The following OTUD4 variants were observed in gnomAD, a reference collection of about 807,000 sequenced individuals.
OTUD4 encodes OTU deubiquitinase 4.
Under a neutral mutation model 130.4 loss-of-function variants are expected in OTUD4, and 24 were observed. The observed-to-expected ratio is 0.18, with a 90% confidence interval of 0.13 to 0.26. The LOEUF (loss-of-function observed/expected upper bound fraction) is 0.26, where lower values mean the gene tolerates loss of function less well. Ranked by LOEUF, OTUD4 falls within the 10% of genes least tolerant of loss-of-function variation. The pLI is 1.00. For synonymous variants in OTUD4, 420 were observed against 472.5 expected, an observed-to-expected ratio of 0.89 and a Z score of 1.44; for missense variants, 1,031 against 1,329.4, an observed-to-expected ratio of 0.78 and a Z score of 3.49.
intron 6 of OTUD4, among the ~76,000 whole-genome samples, chr4:145,161,125 A>G (rs147948310): frequency 6.6e-6 from 1 of 152,046 alleles, no homozygotes; most frequent in Non-Finnish European, 1.5e-5. Context: ...AACAACAACA[A>G]CAACAACAAC....
chr4:145,144,178 G>T (rs1168455640), intron 15 of OTUD4, 133 bp downstream of exon 15: 2 of 1,110,130 alleles, frequency 1.8e-6, no homozygotes, highest in Non-Finnish European at 2.6e-6. Context: ...ATACTTCTCT[G>T]CAACATTCAA....
rs1038657859 is a variant in OTUD4, at chr4:145,134,393, C to T, written c.*3037G>A. ...ACCTCATCTAAAAATGAAGGTAAAA[C>T]GAAAGAGGCAAAAATAAATATTGCT... On this transcript the variant is annotated 3_prime_UTR_variant, in exon 21 of 21. Coordinates refer to ENST00000447906, the MANE Select transcript of OTUD4 (RefSeq NM_001366057.1). 3 of 264,666 alleles carry T rather than the reference C, an allele frequency of 1.1e-5. No individual in the cohort carries two copies. The highest frequency in any genetic ancestry group is 5.4e-5 in the Admixed American group (1 of 18,690). The allele number at this position is 264,666 out of a possible 1,614,324, so 16.4% of individuals were successfully genotyped here. A position where few individuals can be genotyped will look rare whatever the true frequency, so the allele number is the denominator to read the frequency against.
intron 5 of OTUD4, among the ~76,000 whole-genome samples, chr4:145,163,584 T>C (rs1026044145): frequency 5.3e-5 from 8 of 152,158 alleles, no homozygotes; most frequent in Non-Finnish European, 1.0e-4. Context: ...GTTCATCATA[T>C]GTATTAATGT....
rs560327765 is a variant in OTUD4 at position 145,133,780 on chromosome 4, T to C, written c.*3650A>G. ...CTTCTTAAGGCTACAAAACAGAACATAGAAAAATAAACAGGAATATATTCA... is the reference window on the plus strand; with the variant it reads ...CTTCTTAAGGCTACAAAACAGAACACAGAAAAATAAACAGGAATATATTCA... On this transcript the variant is annotated 3_prime_UTR_variant, in exon 21 of 21. Coordinates refer to ENST00000447906, the MANE Select transcript of OTUD4 (RefSeq NM_001366057.1). 9.2e-5 allele frequency: 14 copies of C among 152,632 alleles called. No homozygotes were observed. The East Asian group carries it at 9.6e-4, about 11-fold the overall frequency. 9.5% of individuals were successfully genotyped at this position (152,632 alleles called of 1,614,324 possible).
intron 13 of OTUD4, among the ~76,000 whole-genome samples, chr4:145,146,951 A>G (rs1750854583): frequency 6.6e-6 from 1 of 152,222 alleles, no homozygotes; most frequent in Non-Finnish European, 1.5e-5. Flanking sequence ...AAGCTGAAAA[A>G]GAAAAACTAA....
chr4:145,146,488 A>AAATAAATAAATAAAT (rs1750833187), intron 13 of OTUD4, 59 bp from the exon 14 acceptor site: 1 of 1,036,200 alleles, frequency 9.7e-7, no homozygotes, highest in African/African-American at 1.7e-5. Flanking sequence ...ATAAATAAAT[A>AAATAAATAAATAAAT]AAACATTCTT....
rs1350860578 is a variant in OTUD4 at position 145,150,787 on chromosome 4, T to C, written c.1072+15A>G. 10 of 1,608,648 alleles carry C rather than the reference T, an allele frequency of 6.2e-6. No individual in the cohort carries two copies. Among genetic ancestry groups the C allele is most frequent in the African/African-American group, 1.3e-5 (1 of 74,820 alleles). The stretch of plus-strand genomic sequence containing the variant: ...ATCCCAATCCCAAAGGAATGATAGC[T>C]TGATGTGCTCCTACCAGAATGGAAA... On this transcript the variant is annotated intron_variant, in intron 12 of 20. Coordinates refer to ENST00000447906, the MANE Select transcript of OTUD4 (RefSeq NM_001366057.1).
At chr4:145,146,044 ACTTGCCTCAAC>A in intron 14 of OTUD4, 2 of 330,554 alleles carry the variant, frequency 6.1e-6, no homozygotes. Context: ...AAACCAGTTT[ACTTGCCTCAAC>A]TCTATCATCA....
intron 3 of OTUD4, among the ~76,000 whole-genome samples, chr4:145,167,288 C>G (rs768666279): frequency 6.6e-6 from 1 of 152,166 alleles, no homozygotes. Flanking sequence ...ATATTTTAAA[C>G]AATGTTTTGA....
chr4:145,165,262 C>T (rs1751789976), intron 3 of OTUD4, 65 bp from the exon 4 acceptor site: 1 of 954,852 alleles, frequency 1.0e-6, no homozygotes, highest in Non-Finnish European at 1.7e-6. Context: ...CTTTATATTT[C>T]TATACATACC....
chr4:145,156,572 A>G (rs1751304240), intron 7 of OTUD4, among the ~76,000 whole-genome samples: 1 of 151,830 alleles, frequency 6.6e-6, no homozygotes, highest in African/African-American at 2.4e-5. Context: ...AATCCTAGCT[A>G]CTCGGGAGGC....
Position 145,179,499 on chromosome 4 carries a change from T to C in OTUD4, c.159+316A>G, listed in dbSNP as rs528860063. On this transcript the variant is annotated intron_variant, in intron 1 of 20. Transcript: ENST00000447906. Reference sequence around the variant, plus strand: ...GTGAATGCGGAACAAAAGTAAAAAATATCATGTCGCCAGGTCCCCAGCAAT... The same window carrying C: ...GTGAATGCGGAACAAAAGTAAAAAACATCATGTCGCCAGGTCCCCAGCAAT... 8.9e-6 allele frequency: 6 copies of C among 676,126 alleles called. No individual in the cohort carries two copies. In the South Asian group the frequency reaches 1.5e-4, roughly 17 times the overall value. 41.9% of individuals were successfully genotyped at this position (676,126 alleles called of 1,614,324 possible).
intron 6 of OTUD4, among the ~76,000 whole-genome samples, chr4:145,160,452 C>T (rs1751500975): frequency 1.3e-5 from 2 of 152,188 alleles, no homozygotes; most frequent in East Asian, 1.9e-4. Flanking sequence ...TTCAAAAATA[C>T]ATGGATTTTA....
chr4:145,148,002 A>C (rs1054853917), intron 13 of OTUD4, among the ~76,000 whole-genome samples: 10 of 152,246 alleles, frequency 6.6e-5, no homozygotes, highest in Admixed American at 3.9e-4. Context: ...ATACTAACCT[A>C]ATGACAAACT....
intron 10 of OTUD4, among the ~76,000 whole-genome samples, chr4:145,154,220 T>C (rs571082871): frequency 1.3e-5 from 2 of 152,320 alleles, no homozygotes; most frequent in African/African-American, 4.8e-5. Context: ...GTTTTCCCAA[T>C]CAATGTAGTA....
intron 1 of OTUD4, among the ~76,000 whole-genome samples, chr4:145,176,751 T>G (rs1397499594): frequency 6.6e-6 from 1 of 151,978 alleles, no homozygotes; most frequent in Non-Finnish European, 1.5e-5. Context: ...ACGTTTAGCA[T>G]GAGTAGAGCA....
chr4:145,170,511 A>G (rs951243054), intron 3 of OTUD4, among the ~76,000 whole-genome samples: 3 of 152,242 alleles, frequency 2.0e-5, no homozygotes, highest in African/African-American at 4.8e-5. Flanking sequence ...CCAGCTAGAA[A>G]TAACACTTTG....
intron 3 of OTUD4, among the ~76,000 whole-genome samples, chr4:145,169,722 T>C (rs1752058323): frequency 6.6e-6 from 1 of 152,202 alleles, no homozygotes; most frequent in South Asian, 2.1e-4. Context: ...TCCTCCCGCC[T>C]CTGCCTCCTA....
intron 5 of OTUD4, among the ~76,000 whole-genome samples, chr4:145,163,796 T>A (rs1043209402): frequency 1.4e-5 from 2 of 140,742 alleles, no homozygotes; most frequent in Non-Finnish European, 3.1e-5. Context: ...AACCTCCACC[T>A]CCCAGGTTCA....
Sources: allele counts gnomAD v4.1 joint callset (sites outside exome capture counted in the v4.1 genomes callset), GRCh38; gene constraint gnomAD v4.1.1; transcripts MANE v1.5; gene names NCBI Gene and HGNC (gene_info 2026-07-23, HGNC 2026-07-21).